The following MALRD1 variants were observed in gnomAD, a reference collection of about 807,000 sequenced individuals.
MALRD1 encodes MAM and LDL-receptor class A domain-containing protein 1.
In MALRD1, 247 loss-of-function variants were observed where a neutral mutation model predicts 242.1. The ratio of observed to expected loss-of-function variants is 1.02; its 90% confidence interval spans 0.92 to 1.13. The LOEUF (loss-of-function observed/expected upper bound fraction) is 1.13. Ranked by LOEUF, MALRD1 falls within the 50% of genes most tolerant of loss-of-function variation. MALRD1 has a pLI of 0.00. For synonymous variants in MALRD1, 995 were observed against 866.6 expected (o/e 1.15, Z -2.60); for missense variants, 2,989 against 2,533.1 (o/e 1.18, Z -3.86).
At chr10:19,086,942 T>C (rs1456865850) in intron 2 of MALRD1, among the ~76,000 whole-genome samples, 1 of 152,076 alleles carries the variant, frequency 6.6e-6, no homozygotes, top group Non-Finnish European at 1.5e-5. Flanking sequence ...CCAAGTCTGC[T>C]TTTAGCTTCC....
chr10:19,576,553 A>G (rs1329268144), intron 33 of MALRD1, among the ~76,000 whole-genome samples: 7 of 152,206 alleles, frequency 4.6e-5, no homozygotes, highest in Admixed American at 4.6e-4. Context: ...AAGAGGAGAA[A>G]AATGCTAAGT....
chr10:19,671,237 G>A (rs1803242425), intron 36 of MALRD1, among the ~76,000 whole-genome samples: 1 of 151,970 alleles, frequency 6.6e-6, no homozygotes, highest in African/African-American at 2.4e-5. Flanking sequence ...TATAAATATG[G>A]AATGTAAATC....
At chr10:19,335,721 G>A (rs945956487) in intron 24 of MALRD1, among the ~76,000 whole-genome samples, 1 of 152,060 alleles carries the variant, frequency 6.6e-6, no homozygotes, top group Admixed American at 6.6e-5. Flanking sequence ...ATGTGATTAG[G>A]TAGAAATATA....
chr10:19,543,257 G>GT (rs540488846), intron 32 of MALRD1, among the ~76,000 whole-genome samples: 9 of 117,432 alleles, frequency 7.7e-5, no homozygotes, highest in Admixed American at 2.6e-4. Context: ...CTGATTTTTC[G>GT]TTTTTGTTTT....
chr10:19,583,377 T>G lies in MALRD1; in HGVS notation c.5681-11817T>G, dbSNP rs1021153947. 8.6e-5 allele frequency among the ~76,000 whole-genome samples: 13 copies of G among 151,240 alleles called. No homozygotes were observed. The East Asian group carries it at 2.4e-3, about 28-fold the overall frequency. ...CTGTGGGTTTGTCGTAGATAGCTCT[T>G]ATTATTTTGAGATACGTCCCATCAA... On this transcript the variant is annotated intron_variant, in intron 33 of 39. Transcript: ENST00000454679.
At chr10:19,473,294 T>A (rs1836585010) in intron 29 of MALRD1, among the ~76,000 whole-genome samples, 1 of 151,658 alleles carries the variant, frequency 6.6e-6, no homozygotes, top group Non-Finnish European at 1.5e-5. Context: ...TAGGTAATTT[T>A]TAAAAAAGTA....
At chr10:19,341,521 T>C (rs1313724476) in intron 24 of MALRD1, among the ~76,000 whole-genome samples, 1 of 143,008 alleles carries the variant, frequency 7.0e-6, no homozygotes, top group African/African-American at 2.5e-5. Flanking sequence ...TGTGTGTATA[T>C]ATGTATATAT....
intron 28 of MALRD1, among the ~76,000 whole-genome samples, chr10:19,438,130 C>G (rs1430265033): frequency 1.3e-5 from 2 of 151,966 alleles, no homozygotes; most frequent in Non-Finnish European, 2.9e-5. Context: ...TTCTTCCCTC[C>G]CCCAACCCTT....
chr10:19,537,428 A>T (rs1200586854), intron 32 of MALRD1, among the ~76,000 whole-genome samples: 3 of 152,212 alleles, frequency 2.0e-5, no homozygotes, highest in African/African-American at 7.2e-5. Flanking sequence ...GGGGCTGGCA[A>T]GTTTGGTGTC....
rs555316014 is a variant in MALRD1, at chr10:19,301,611, A to G, written c.3419+18430A>G. Among the ~76,000 whole-genome samples, 41 of 151,948 alleles carry G rather than the reference A, an allele frequency of 2.7e-4. No homozygotes were observed. The South Asian group carries it at 8.5e-3, about 32-fold the overall frequency. ...ATCATCTTAAGGAAATTAACACAGGAACAGAAAAGCAAATACCATATATTC... is the reference window on the plus strand; with the variant it reads ...ATCATCTTAAGGAAATTAACACAGGGACAGAAAAGCAAATACCATATATTC... On this transcript the variant is annotated intron_variant, in intron 21 of 39. Transcript: ENST00000454679.
chr10:19,157,128 A>G (rs1834184677), intron 12 of MALRD1, among the ~76,000 whole-genome samples: 1 of 142,090 alleles, frequency 7.0e-6, no homozygotes, highest in African/African-American at 3.1e-5. Context: ...TTTCCAGTTT[A>G]GGAAGTAGGA....
upstream of MALRD1, among the ~76,000 whole-genome samples, chr10:19,048,464 G>A (rs894130745): frequency 3.9e-5 from 6 of 152,044 alleles, no homozygotes; most frequent in East Asian, 9.6e-4. Context: ...TAATAATTGG[G>A]CCTGAAATTT....
At chr10:19,548,102 C>A (rs1233627579) in intron 32 of MALRD1, among the ~76,000 whole-genome samples, 4 of 147,276 alleles carry the variant, frequency 2.7e-5, no homozygotes, top group African/African-American at 1.0e-4. Flanking sequence ...CCAGTTCAGG[C>A]AATTCTCCTG....
intron 19 of MALRD1, among the ~76,000 whole-genome samples, chr10:19,265,498 A>G (rs11009193): frequency 0.099 from 15,027 of 151,994 alleles, 909 homozygotes; most frequent in African/African-American, 0.17. Context: ...TTTAAGGAGT[A>G]TGTTGTTTTA....
intron 8 of MALRD1, 62 bp from the exon 9 acceptor site, chr10:19,133,794 T>G (rs1483163127): frequency 1.5e-6 from 1 of 655,954 alleles, no homozygotes; most frequent in East Asian, 3.5e-5. Flanking sequence ...TAAAAGAGCA[T>G]GTATGTAAAT....
intron 14 of MALRD1, among the ~76,000 whole-genome samples, chr10:19,193,079 A>T (rs147095672): frequency 6.6e-6 from 1 of 152,056 alleles, no homozygotes; most frequent in Non-Finnish European, 1.5e-5. Context: ...TTCAGTTTTG[A>T]AATTTATTAG....
chr10:19,480,211 A>G (rs1182940105), intron 29 of MALRD1, among the ~76,000 whole-genome samples: 1 of 152,176 alleles, frequency 6.6e-6, no homozygotes, highest in Non-Finnish European at 1.5e-5. Flanking sequence ...GAAAGAAGCT[A>G]GTGTGTGAAT....
chr10:19,371,492 G>GT (rs985367437), intron 26 of MALRD1, among the ~76,000 whole-genome samples: 36 of 123,002 alleles, frequency 2.9e-4, no homozygotes, highest in African/African-American at 1.1e-3. Flanking sequence ...GTTTTGTTTT[G>GT]TTTTTTGTTT....
In MALRD1 at chr10:19,379,450, C is replaced by T. The variant is rs76972398; in HGVS notation, c.4442-8078C>T. On this transcript the variant is annotated intron_variant, in intron 26 of 39. Transcript: ENST00000454679. ...CACTTATAGCTGTATGTTACCTGAA[C>T]TGCTTTACCTGGAGCCCATAAATTT... Among the ~76,000 whole-genome samples, 210 of 152,232 alleles carry T rather than the reference C, an allele frequency of 1.4e-3. 3 individuals are homozygous for T. The East Asian group carries it at 0.038, about 28-fold the overall frequency.
Sources: gnomAD v4.1 joint callset for allele counts (sites outside exome capture counted in the v4.1 genomes callset) on GRCh38, gnomAD v4.1.1 for gene constraint, MANE v1.5 for transcripts, NCBI Gene and HGNC (gene_info 2026-07-23, HGNC 2026-07-21) for gene names.